FHIT: variants seen among roughly 807,000 people sequenced by gnomAD.
FHIT encodes bis(5'-adenosyl)-triphosphatase.
FHIT carries 19 observed loss-of-function variants against 17.9 expected under a neutral mutation model. The observed-to-expected ratio is 1.06, with a 90% CI of 0.74 to 1.56. The LOEUF (loss-of-function observed/expected upper bound fraction) is 1.56, where lower values mean the gene tolerates loss of function less well. Ranked by LOEUF, FHIT falls within the 40% of genes most tolerant of loss-of-function variation. The pLI is 0.00. For synonymous variants in FHIT, 81 were observed against 69.7 expected, an observed-to-expected ratio of 1.16 and a Z score of -0.81; for missense variants, 248 against 189.2, an observed-to-expected ratio of 1.31 and a Z score of -1.82.
At chr3:60,667,408 T>C (rs2040406096) in intron 4 of FHIT, among the ~76,000 whole-genome samples, 1 of 152,178 alleles carries the variant, frequency 6.6e-6, no homozygotes, top group Non-Finnish European at 1.5e-5. Flanking sequence ...CTATCGTTAA[T>C]ACTATCCAGC....
chr3:59,979,594 G>C (rs945075685), intron 7 of FHIT, among the ~76,000 whole-genome samples: 1 of 152,090 alleles, frequency 6.6e-6, no homozygotes, highest in Non-Finnish European at 1.5e-5. Flanking sequence ...TCAGGCAGGG[G>C]TAAGAAATTA....
intron 4 of FHIT, among the ~76,000 whole-genome samples, chr3:60,554,188 G>T (rs1467400534): frequency 6.6e-6 from 1 of 151,728 alleles, no homozygotes; most frequent in Non-Finnish European, 1.5e-5. Flanking sequence ...TGACTTCTCA[G>T]TCTGATGGAG....
chr3:61,038,618 C>A lies in FHIT; in HGVS notation c.-111+3429G>T, dbSNP rs963532159. Among the ~76,000 whole-genome samples the A allele has an allele frequency of 7.9e-5, 12 of 152,026 alleles. 1 individual carries two copies. The highest frequency in any genetic ancestry group is 6.5e-5 in the Admixed American group (1 of 15,268). On this transcript the variant is annotated intron_variant, in intron 3 of 9. Coordinates refer to ENST00000492590, the MANE Select transcript of FHIT (RefSeq NM_002012.4). Reference sequence around the variant, plus strand: ...TGCTTGATATAATAATGGCATTGTGCTTAAGTACAAAAATGCCCATATTTG... The same window carrying A: ...TGCTTGATATAATAATGGCATTGTGATTAAGTACAAAAATGCCCATATTTG...
chr3:60,163,844 A>C (rs1036499604), intron 5 of FHIT, among the ~76,000 whole-genome samples: 5 of 152,162 alleles, frequency 3.3e-5, no homozygotes, highest in African/African-American at 1.2e-4. Flanking sequence ...AATCACTCCT[A>C]GTTGGGAAAC....
chr3:61,139,030 CTTTT>C (rs368329092), intron 2 of FHIT, among the ~76,000 whole-genome samples: 1 of 137,296 alleles, frequency 7.3e-6, no homozygotes. Context: ...CTATATCAAA[CTTTT>C]TTTTTTTTTT....
At chr3:59,900,226 C>T (rs773937566) in intron 8 of FHIT, among the ~76,000 whole-genome samples, 6 of 152,102 alleles carry the variant, frequency 3.9e-5, no homozygotes, top group African/African-American at 7.2e-5. Flanking sequence ...CTTGGTGGCT[C>T]CAGCCCCAGA....
intron 8 of FHIT, among the ~76,000 whole-genome samples, chr3:59,781,833 G>A (rs1334009247): frequency 2.0e-5 from 3 of 152,206 alleles, no homozygotes; most frequent in East Asian, 3.9e-4. Flanking sequence ...CCTACGGGAT[G>A]GGGTAACCTT....
At chr3:60,304,870 G>C (rs1335830558) in intron 5 of FHIT, among the ~76,000 whole-genome samples, 1 of 152,060 alleles carries the variant, frequency 6.6e-6, no homozygotes, top group African/African-American at 2.4e-5. Flanking sequence ...TTAAAGACAA[G>C]TTTTTATTAA....
chr3:60,593,528 T>C (rs782712942), intron 4 of FHIT, among the ~76,000 whole-genome samples: 3 of 152,164 alleles, frequency 2.0e-5, no homozygotes, highest in Non-Finnish European at 4.4e-5. Flanking sequence ...CTTTCTACAT[T>C]GGCAACTTTC....
intron 8 of FHIT, among the ~76,000 whole-genome samples, chr3:59,772,149 G>A (rs758181568): frequency 3.3e-5 from 5 of 152,186 alleles, no homozygotes; most frequent in East Asian, 3.9e-4. Flanking sequence ...GCTGTGCTTC[G>A]TTGATCTGCA....
intron 4 of FHIT, among the ~76,000 whole-genome samples, chr3:60,554,150 T>G (rs72885741): frequency 0.015 from 2,304 of 151,762 alleles, 49 homozygotes; most frequent in African/African-American, 0.052. Context: ...AGGAAACAGA[T>G]TTCTACACTG....
intron 4 of FHIT, among the ~76,000 whole-genome samples, chr3:60,803,460 G>C (rs1466417633): frequency 4.6e-5 from 7 of 152,180 alleles, no homozygotes; most frequent in Non-Finnish European, 1.0e-4. Context: ...CGTTCATTCA[G>C]CTCTTTCTAG....
At chr3:61,061,400 T>C (rs1223483726) in intron 2 of FHIT, among the ~76,000 whole-genome samples, 2 of 152,050 alleles carry the variant, frequency 1.3e-5, no homozygotes, top group Non-Finnish European at 2.9e-5. Context: ...TTTTTAAATA[T>C]ATATATGTTA....
chr3:59,928,520 A>G (rs546971180), intron 7 of FHIT, among the ~76,000 whole-genome samples: 6 of 152,376 alleles, frequency 3.9e-5, no homozygotes, highest in African/African-American at 1.4e-4. Context: ...TCTAAAATAC[A>G]TAAAGAACTA....
In FHIT at chr3:60,370,155, C is replaced by A. The variant is rs572063670; in HGVS notation, c.103+166705G>T. Among the ~76,000 whole-genome samples, 25 of 152,250 alleles carry A rather than the reference C, an allele frequency of 1.6e-4. No homozygotes were observed. The South Asian group carries it at 5.2e-3, about 32-fold the overall frequency. ...AAGGAAGAGCTGCTAGAAAAACTTA[C>A]GTCACCTGTGTTAAGTTTATAGATA... is the stretch of plus-strand genomic sequence containing the variant. On this transcript the variant is annotated intron_variant, in intron 5 of 9. Coordinates refer to ENST00000492590, the MANE Select transcript of FHIT (RefSeq NM_002012.4).
intron 1 of FHIT, among the ~76,000 whole-genome samples, chr3:61,230,395 C>T (rs116023480): frequency 0.075 from 11,354 of 152,194 alleles, 1,105 homozygotes; most frequent in East Asian, 0.4. Flanking sequence ...TATGACATGC[C>T]TGCTCCCATT....
chr3:60,812,875 T>C (rs1250070144), intron 4 of FHIT, among the ~76,000 whole-genome samples: 5 of 152,128 alleles, frequency 3.3e-5, no homozygotes, highest in Non-Finnish European at 7.4e-5. Flanking sequence ...TTGGACAACA[T>C]AGTATGAACC....
At chr3:61,162,849 T>C (rs1269374535) in intron 2 of FHIT, among the ~76,000 whole-genome samples, 1 of 152,228 alleles carries the variant, frequency 6.6e-6, no homozygotes, top group Non-Finnish European at 1.5e-5. Context: ...TGTAACATTC[T>C]TTTCAGTATT....
intron 7 of FHIT, among the ~76,000 whole-genome samples, chr3:59,946,141 A>T (rs1256796478): frequency 6.6e-6 from 1 of 152,176 alleles, no homozygotes; most frequent in African/African-American, 2.4e-5. Context: ...AACAGTATTG[A>T]TTCTTCCTAT....
Sources: allele counts gnomAD v4.1 joint callset (sites outside exome capture counted in the v4.1 genomes callset), GRCh38; gene constraint gnomAD v4.1.1; transcripts MANE v1.5; gene names NCBI Gene and HGNC (gene_info 2026-07-23, HGNC 2026-07-21).